RBM18: variants seen among roughly 807,000 people sequenced by gnomAD.
RBM18 encodes probable RNA-binding protein 18.
In RBM18, 18 loss-of-function variants were observed where a neutral mutation model predicts 26.4. The ratio of observed to expected loss-of-function variants is 0.68; its 90% CI spans 0.47 to 1.01. RBM18 has a LOEUF of 1.01. Ranked by LOEUF, RBM18 falls within the 50% of genes least tolerant of loss-of-function variation. The pLI is 0.00. For synonymous variants in RBM18, 74 were observed against 81.1 expected (o/e 0.91, Z 0.47); for missense variants, 180 against 219.2 (o/e 0.82, Z 1.13).
intron 5 of RBM18, 59 bp downstream of exon 5, chr9:122,245,197 A>C: frequency 2.1e-6 from 2 of 961,838 alleles, no homozygotes; most frequent in Non-Finnish European, 3.3e-6. Context: ...GAAGACATGG[A>C]ATAATGAAAT....
chr9:122,257,138 C>T (rs183260143), intron 2 of RBM18, among the ~76,000 whole-genome samples: 1,626 of 152,268 alleles, frequency 0.011, 10 homozygotes, highest in Middle Eastern at 0.017. Flanking sequence ...TGCAGCGGCG[C>T]GATCTCGGCT....
chr9:122,256,411 C>T (rs1332313140), intron 2 of RBM18, among the ~76,000 whole-genome samples: 1 of 152,150 alleles, frequency 6.6e-6, no homozygotes, highest in African/African-American at 2.4e-5. Context: ...ACAGCGGCTA[C>T]GACTTTGGCA....
At chr9:122,244,637 G>T (rs952061168) in intron 5 of RBM18, among the ~76,000 whole-genome samples, 1 of 152,102 alleles carries the variant, frequency 6.6e-6, no homozygotes, top group African/African-American at 2.4e-5. Flanking sequence ...TATTGTTATT[G>T]TTATTGCTAA....
chr9:122,243,870 T>C (rs1273651687), intron 5 of RBM18: 22 of 985,052 alleles, frequency 2.2e-5, no homozygotes, highest in Non-Finnish European at 2.7e-5. Context: ...TGAGGTCCTC[T>C]GGATAAAAAA....
In RBM18 at chr9:122,239,908, C is replaced by T. The variant is rs186883436; in HGVS notation, c.*1976G>A. 1 of 152,236 alleles carries T rather than the reference C, an allele frequency of 6.6e-6. No homozygotes were observed. The highest frequency in any genetic ancestry group is 2.1e-4 in the South Asian group (1 of 4,830). 9.4% of individuals were successfully genotyped at this position (152,236 alleles called of 1,614,324 possible). On this transcript the variant is annotated 3_prime_UTR_variant, in exon 6 of 6. Transcript: ENST00000417201. Reference sequence around the variant, plus strand: ...GCAGAGAAGGCACTTAGAAGAAGCACCCCACGTGGACATGCTGGCCAGAGT... The same window carrying T: ...GCAGAGAAGGCACTTAGAAGAAGCATCCCACGTGGACATGCTGGCCAGAGT...
rs73663059 is a variant in RBM18, at chr9:122,251,713, A to C, written c.240+134T>G. 8,504 of 721,946 alleles carry C rather than the reference A, an allele frequency of 0.012. 528 individuals carry two copies. The African/African-American group carries it at 0.13, about 11-fold the overall frequency. The allele number at this position is 721,946 out of a possible 1,614,324, so 44.7% of individuals were successfully genotyped here. ...TTATTGAGGATCCCTTATAGGACTC[A>C]GTGTAAGGCACACAGATGAATCAGA... On this transcript the variant is annotated intron_variant, in intron 3 of 5. Coordinates refer to ENST00000417201, the MANE Select transcript of RBM18 (RefSeq NM_033117.4).
At chr9:122,248,674 C>T (rs1262055253) in intron 3 of RBM18, among the ~76,000 whole-genome samples, 1 of 152,190 alleles carries the variant, frequency 6.6e-6, no homozygotes, top group Non-Finnish European at 1.5e-5. Flanking sequence ...AGGTCATTCC[C>T]AGGAAACCTG....
At chr9:122,247,405 T>C (rs1831521246) in intron 4 of RBM18, 113 bp downstream of exon 4, 1 of 851,066 alleles carries the variant, frequency 1.2e-6, no homozygotes, top group Middle Eastern at 2.2e-4. Flanking sequence ...GAGACTGAAG[T>C]ATGGCTGTTT....
chr9:122,252,902 C>T (rs985896383), intron 2 of RBM18, among the ~76,000 whole-genome samples: 2 of 152,178 alleles, frequency 1.3e-5, no homozygotes, highest in East Asian at 3.8e-4. Flanking sequence ...ACAGATGTGG[C>T]CTTAACAGGT....
At chr9:122,252,184 G>C (rs1831615401) in intron 2 of RBM18, among the ~76,000 whole-genome samples, 1 of 152,192 alleles carries the variant, frequency 6.6e-6, no homozygotes, top group Non-Finnish European at 1.5e-5. Flanking sequence ...TCATGGCTAT[G>C]CATCTGTCCA....
intron 3 of RBM18, among the ~76,000 whole-genome samples, chr9:122,249,117 GTT>G (rs11339269): frequency 6.6e-6 from 1 of 152,070 alleles, no homozygotes; most frequent in East Asian, 1.9e-4. Context: ...ATTTTTAAAT[GTT>G]TTTTTTAAAA....
rs1831399107 is a variant in RBM18 at position 122,240,483 on chromosome 9, A to G, written c.*1401T>C. ...AAATGTCTTAAATTCATTTATACTC[A>G]TGGGAAGATGTTAAGTTCCTATATT... On this transcript the variant is annotated 3_prime_UTR_variant, in exon 6 of 6. Transcript: ENST00000417201. 1 of 152,252 alleles carries G rather than the reference A, an allele frequency of 6.6e-6. No individual in the cohort carries two copies. Among genetic ancestry groups the G allele is most frequent in the Non-Finnish European group, 1.5e-5 (1 of 68,038 alleles). 9.4% of individuals were successfully genotyped at this position (152,252 alleles called of 1,614,324 possible). A position where few individuals can be genotyped will look rare whatever the true frequency, so the allele number is the denominator to read the frequency against.
rs1831369565 is a variant in RBM18, at chr9:122,238,908, CAA to C, written c.*2974_*2975del. On this transcript the variant is annotated 3_prime_UTR_variant, in exon 6 of 6. Coordinates refer to ENST00000417201, the MANE Select transcript of RBM18 (RefSeq NM_033117.4). ...TTGGAGGTGGTGAGATGGCTGGATT[CAA>C]GAGGCATTTGGAAGGTAGAGTTGAC... 6.6e-6 allele frequency: 1 copy of C among 151,984 alleles called. No homozygotes were observed. The highest frequency in any genetic ancestry group is 1.5e-5 in the Non-Finnish European group (1 of 68,030). The allele number at this position is 151,984 out of a possible 1,614,324, so 9.4% of individuals were successfully genotyped here. A position where few individuals can be genotyped will look rare whatever the true frequency, so the allele number is the denominator to read the frequency against.
chr9:122,242,664 T>G (rs1588376438), intron 5 of RBM18, among the ~76,000 whole-genome samples: 1 of 59,840 alleles, frequency 1.7e-5, no homozygotes, highest in African/African-American at 4.5e-5. Context: ...ACTTATACTG[T>G]TTTTTTTTTT....
intron 5 of RBM18, 75 bp from the exon 6 acceptor site, chr9:122,242,118 A>G (rs1486208190): frequency 7.0e-7 from 1 of 1,433,332 alleles, no homozygotes; most frequent in Non-Finnish European, 9.5e-7. Flanking sequence ...CCTCTCCTTG[A>G]GCCTCTTGGG....
At chr9:122,254,924 T>C (rs1831665416) in intron 2 of RBM18, among the ~76,000 whole-genome samples, 1 of 152,118 alleles carries the variant, frequency 6.6e-6, no homozygotes. Flanking sequence ...AAAGGAGTGA[T>C]ATCTGACTGG....
At chr9:122,248,591 T>G (rs569175920) in intron 3 of RBM18, among the ~76,000 whole-genome samples, 74 of 152,322 alleles carry the variant, frequency 4.9e-4, no homozygotes, top group African/African-American at 1.8e-3. Context: ...CGAAAGTTCC[T>G]TGACCCTTTC....
intron 4 of RBM18, among the ~76,000 whole-genome samples, chr9:122,247,176 T>C (rs16911571): frequency 0.031 from 4,788 of 152,176 alleles, 233 homozygotes; most frequent in African/African-American, 0.11. Context: ...AAGAGTCTAA[T>C]AATGCCTAGA....
intron 2 of RBM18, among the ~76,000 whole-genome samples, chr9:122,254,962 G>A (rs1025797462): frequency 1.4e-4 from 22 of 152,164 alleles, no homozygotes; most frequent in African/African-American, 4.3e-4. Flanking sequence ...GAGTACTAAA[G>A]ACAAAGGTGA....
Sources: allele counts gnomAD v4.1 joint callset (sites outside exome capture counted in the v4.1 genomes callset), GRCh38; gene constraint gnomAD v4.1.1; transcripts MANE v1.5; gene names NCBI Gene and HGNC (gene_info 2026-07-23, HGNC 2026-07-21).